The following CUL9 variants were observed in gnomAD, a reference collection of about 807,000 sequenced individuals.
CUL9 encodes the protein cullin 9.
Under a neutral mutation model 272.6 loss-of-function variants are expected in CUL9, and 79 were observed. The observed-to-expected ratio is 0.29, with a 90% CI of 0.24 to 0.35. The LOEUF is 0.35. Ranked by LOEUF, CUL9 falls within the 10% of genes least tolerant of loss-of-function variation. The pLI is 1.00. For synonymous variants in CUL9, 1,186 were observed against 1,286.5 expected (o/e 0.92, Z 1.67); for missense variants, 2,532 against 3,255.6 (o/e 0.78, Z 5.41).
In CUL9 at chr6:43,187,763, C is replaced by G; in HGVS notation, c.1632C>G (p.Ala544=). Residue 544 remains alanine, a synonymous_variant, in exon 7 of 41, where the codon GCC becomes GCG. Transcript: ENST00000252050. Reference sequence around the variant, plus strand: ...AGATCTCTGTGTCCGTGGAAATGGCCGAGAGTCTGCTGCAGGTTCTCAGTA... The same window carrying G: ...AGATCTCTGTGTCCGTGGAAATGGCGGAGAGTCTGCTGCAGGTTCTCAGTA... ...LGEISVSVEM[A]ESLLQVLSSR... 1 of 1,613,446 alleles carries G rather than the reference C, an allele frequency of 6.2e-7. No homozygotes were observed. Among genetic ancestry groups the G allele is most frequent in the East Asian group, 2.2e-5 (1 of 44,870 alleles).
chr6:43,194,739 A>T (rs1773848294), intron 9 of CUL9, among the ~76,000 whole-genome samples: 1 of 152,026 alleles, frequency 6.6e-6, no homozygotes, highest in Admixed American at 6.5e-5. Flanking sequence ...ATTGCCATCC[A>T]CTATAGATCA....
Position 43,187,086 on chromosome 6 carries a change from T to C in CUL9, c.1378T>C (p.Leu460=). 1.2e-6 allele frequency: 2 copies of C among 1,613,970 alleles called. No homozygotes were observed. Among genetic ancestry groups the C allele is most frequent in the Non-Finnish European group, 1.7e-6 (2 of 1,179,898 alleles). The change falls in exon 5 of 41, where the codon TTG becomes CTG. Residue 460 remains leucine (L), a synonymous_variant. Coordinates refer to ENST00000252050, the MANE Select transcript of CUL9 (RefSeq NM_015089.4). ...AVEKGAGATV[L]GTAFPSWDWN... is the part of the protein sequence containing the mutation. ...GGAGAAGGGGGCAGGGGCTACTGTG[T>C]TGGGCACAGGTGAGCCTAAGAGGGG...
Position 43,213,626 on chromosome 6 carries a change from T to TG in CUL9, c.5488+65dup. On this transcript the variant is annotated intron_variant, in intron 28 of 40. Transcript: ENST00000252050. This position sits in a 1 kb window ranked among gnomAD's most constrained non-coding sequence, Gnocchi z 5.7. The stretch of plus-strand genomic sequence containing the variant: ...GCTGGTCGGGGGGTCGCCCTCAAGA[T>TG]GGGGGGACTGTGAGAATGGGGTCAT... The TG allele has an allele frequency of 1.9e-6, 3 of 1,548,850 alleles. No individual in the cohort carries two copies. Among genetic ancestry groups the TG allele is most frequent in the Non-Finnish European group, 1.8e-6 (2 of 1,138,126 alleles).
Position 43,221,870 on chromosome 6 carries a change from C to T in CUL9, c.6846+92C>T, listed in dbSNP as rs1340335596. The T allele has an allele frequency of 8.2e-6, 9 of 1,091,010 alleles. No homozygotes were observed. Among genetic ancestry groups the T allele is most frequent in the South Asian group, 4.1e-5 (3 of 73,010 alleles). The allele number at this position is 1,091,010 out of a possible 1,614,324, so 67.6% of individuals were successfully genotyped here. On this transcript the variant is annotated intron_variant, in intron 35 of 40. Transcript: ENST00000252050. The surrounding 1 kb of genome is among the most constrained non-coding windows in gnomAD (Gnocchi z 4.2). Reference sequence around the variant, plus strand: ...TCCTGGGCAGACAGGGCTCCTTGTGCAGTGCAGCATTCTAGCTGTTGGGAT... The same window carrying T: ...TCCTGGGCAGACAGGGCTCCTTGTGTAGTGCAGCATTCTAGCTGTTGGGAT...
In CUL9 at chr6:43,200,335, T is replaced by C. The variant is rs1774406196; in HGVS notation, c.3385-101T>C. The C allele has an allele frequency of 2.5e-6, 4 of 1,584,876 alleles. No homozygotes were observed. The African/African-American group carries it at 4.0e-5, about 16-fold the overall frequency. ...AAAATGTGGGGAGAGAGGAGTTGAGTATACCGTTGACCCTTGACTTTTTCT... is the reference window on the plus strand; with the variant it reads ...AAAATGTGGGGAGAGAGGAGTTGAGCATACCGTTGACCCTTGACTTTTTCT... On this transcript the variant is annotated intron_variant, in intron 14 of 40. Transcript: ENST00000252050. This position sits in a 1 kb window ranked among gnomAD's most constrained non-coding sequence, Gnocchi z 4.0.
At position 43,185,545 on chromosome 6, in the gene CUL9, C is replaced by T. The variant is rs753030432; in HGVS notation, c.685C>T (p.Leu229=). The change falls in exon 3 of 41, where the codon CTG becomes TTG. Residue 229 remains leucine (L), a synonymous_variant. Coordinates refer to ENST00000252050, the MANE Select transcript of CUL9 (RefSeq NM_015089.4). ...TGACAGTCGCTATACATTGCTGGAG[C>T]TGTTTGCAGAAACCACATCCTCTGA... The part of the protein sequence containing the change: ...DFDSRYTLLE[L]FAETTSSEEH... 8.1e-6 allele frequency: 13 copies of T among 1,613,786 alleles called. No homozygotes were observed. The Admixed American group carries it at 2.2e-4, about 27-fold the overall frequency.
chr6:43,190,808 C>T (rs1435503440), intron 8 of CUL9, among the ~76,000 whole-genome samples: 1 of 152,186 alleles, frequency 6.6e-6, no homozygotes, highest in East Asian at 1.9e-4. Flanking sequence ...TCCCGAGCCA[C>T]CTCCTCAGTT....
rs770037132 is a variant in CUL9, at chr6:43,223,530, G to A, written c.7284+133G>A. On this transcript the variant is annotated intron_variant, in intron 39 of 40. Transcript: ENST00000252050. The surrounding 1 kb of genome is among the most constrained non-coding windows in gnomAD (Gnocchi z 4.1). ...AAGCGGGTGAATGGATGTTAGACCT[G>A]GGCGCACATCCCGGCTTTTGGGCCA... 6.1e-4 allele frequency: 785 copies of A among 1,287,354 alleles called. 1 individual carries two copies. Among genetic ancestry groups the A allele is most frequent in the Non-Finnish European group, 7.8e-4 (738 of 949,794 alleles). 79.7% of individuals were successfully genotyped at this position (1,287,354 alleles called of 1,614,324 possible). A position where few individuals can be genotyped will look rare whatever the true frequency, so the allele number is the denominator to read the frequency against.
intron 26 of CUL9, among the ~76,000 whole-genome samples, chr6:43,212,269 A>C (rs2150613531): frequency 6.6e-6 from 1 of 152,248 alleles, no homozygotes; most frequent in South Asian, 2.1e-4. Context: ...GGATCAATGG[A>C]TTTCAGTGTG....
chr6:43,210,785 CTG>C (rs1369553056), intron 26 of CUL9, among the ~76,000 whole-genome samples: 8 of 151,966 alleles, frequency 5.3e-5, no homozygotes, highest in South Asian at 2.1e-4. Flanking sequence ...AATTAATTGA[CTG>C]TTTCTAACTT....
chr6:43,213,525 G>T lies in CUL9; in HGVS notation c.5446G>T (p.Gly1816Cys). The change falls in exon 28 of 41, where the codon GGC (glycine) becomes TGC (cysteine). Residue 1816 changes from glycine to cysteine, a missense_variant. Gly to Cys is a radical substitution (Grantham distance 159, BLOSUM62 -3). This residue lies in a region of CUL9 where 2,218 missense variants were observed against 2,788.6 expected (regional missense o/e 0.80). Transcript: ENST00000252050. The surrounding 1 kb of genome is among the most constrained non-coding windows in gnomAD (Gnocchi z 5.7). ...QALVPLTSGN[G>C]PLTLHEGQDF... is the part of the protein sequence containing the mutation. ...ACTCGTGCCCCTCACCTCAGGGAAT[G>T]GCCCTTTGACCCTGCATGAGGGCCA... 1 of 1,613,124 alleles carries T rather than the reference G, an allele frequency of 6.2e-7. No individual in the cohort carries two copies. The highest frequency in any genetic ancestry group is 8.5e-7 in the Non-Finnish European group (1 of 1,179,750).
chr6:43,221,858 G>A lies in CUL9; in HGVS notation c.6846+80G>A. ...GCTGCTACCAGGTCCTGGGCAGACA[G>A]GGCTCCTTGTGCAGTGCAGCATTCT... On this transcript the variant is annotated intron_variant, in intron 35 of 40. Transcript: ENST00000252050. This position sits in a 1 kb window ranked among gnomAD's most constrained non-coding sequence, Gnocchi z 4.2. The A allele has an allele frequency of 1.6e-6, 2 of 1,266,994 alleles. No homozygotes were observed. Among genetic ancestry groups the A allele is most frequent in the South Asian group, 1.3e-5 (1 of 79,310 alleles). 78.5% of individuals were successfully genotyped at this position (1,266,994 alleles called of 1,614,324 possible).
At position 43,184,333 on chromosome 6, in the gene CUL9, G is replaced by A; in HGVS notation, c.23G>A (p.Gly8Glu). The change falls in exon 2 of 41, where the codon GGG (glycine) becomes GAG (glutamate). Residue 8 changes from glycine (G) to glutamate (E), a missense_variant. Coordinates refer to ENST00000252050, the MANE Select transcript of CUL9 (RefSeq NM_015089.4). This position sits in a 1 kb window ranked among gnomAD's most constrained non-coding sequence, Gnocchi z 4.8. ...AGGATGGTGGGGGAACGGCATGCTG[G>A]GGACCTCATGGTGCCCTTAGGGCCT... MVGERHA[G>E]DLMVPLGPRL... 6.5e-7 allele frequency: 1 copy of A among 1,544,438 alleles called. No homozygotes were observed. The highest frequency in any genetic ancestry group is 8.8e-7 in the Non-Finnish European group (1 of 1,140,188).
Position 43,206,947 on chromosome 6 carries a change from C to T in CUL9, c.5212+437C>T, listed in dbSNP as rs1259509327. ...GCAGCCTCTACCTCCCGGGTTCAAG[C>T]GATTCTCCTGTCTCAGCCTCCCAAG... On this transcript the variant is annotated intron_variant, in intron 26 of 40. Transcript: ENST00000252050. This position sits in a 1 kb window ranked among gnomAD's most constrained non-coding sequence, Gnocchi z 4.8. Among the ~76,000 whole-genome samples, 2 of 152,074 alleles carry T rather than the reference C, an allele frequency of 1.3e-5. No individual in the cohort carries two copies. Among genetic ancestry groups the T allele is most frequent in the East Asian group, 1.9e-4 (1 of 5,196 alleles).
At chr6:43,182,664 C>T (rs1359223579) in intron 1 of CUL9, among the ~76,000 whole-genome samples, 1 of 152,038 alleles carries the variant, frequency 6.6e-6, no homozygotes, top group Non-Finnish European at 1.5e-5. Context: ...CAGGCTTGCC[C>T]CCCATCCTAA....
In CUL9 at chr6:43,199,795, A is replaced by T. The variant is rs1774356194; in HGVS notation, c.3157-134A>T. 2 of 708,554 alleles carry T rather than the reference A, an allele frequency of 2.8e-6. No individual in the cohort carries two copies. Among genetic ancestry groups the T allele is most frequent in the Admixed American group, 4.7e-5 (2 of 42,808 alleles). The allele number at this position is 708,554 out of a possible 1,614,324, so 43.9% of individuals were successfully genotyped here. On this transcript the variant is annotated intron_variant, in intron 13 of 40. Transcript: ENST00000252050. This position sits in a 1 kb window ranked among gnomAD's most constrained non-coding sequence, Gnocchi z 4.4. ...TATTTTACTCCACCCTGAATTTGGT[A>T]CTCTTGTTTCCCTGGGCGTTGGCAT... is the stretch of plus-strand genomic sequence containing the variant.
intron 26 of CUL9, among the ~76,000 whole-genome samples, chr6:43,207,333 A>G (rs1230056708): frequency 6.6e-6 from 1 of 152,066 alleles, no homozygotes; most frequent in Middle Eastern, 3.2e-3. Flanking sequence ...ATTATTTTTA[A>G]CCTTTATCAC....
rs1774235810 is a variant in CUL9 at position 43,198,709 on chromosome 6, G to T, written c.2904G>T (p.Glu968Asp). 6.2e-7 allele frequency: 1 copy of T among 1,614,080 alleles called. No homozygotes were observed. Among genetic ancestry groups the T allele is most frequent in the African/African-American group, 1.3e-5 (1 of 74,938 alleles). Residue 968 changes from glutamate (E) to aspartate (D), a missense_variant, in exon 12 of 41, where the codon GAG becomes GAT. Physicochemically the swap from Glu to Asp is conservative, Grantham distance 45. Around this residue, in one of 3 missense-constraint regions of CUL9, gnomAD observed 2,218 missense variants for 2,788.6 expected, o/e 0.80. Coordinates refer to ENST00000252050, the MANE Select transcript of CUL9 (RefSeq NM_015089.4). ...CTGCAGAACTACTCCTGGACTTGGA[G>T]CGTGTGCTGTGCCGTGAGGGCAGCC... ...GPSAELLLDLERVLCREGSPG... is the reference protein window; with the variant it reads ...GPSAELLLDLDRVLCREGSPG...
In CUL9 at chr6:43,204,455, G is replaced by A; in HGVS notation, c.4255G>A (p.Ala1419Thr). The A allele has an allele frequency of 5.6e-6, 9 of 1,614,156 alleles. No homozygotes were observed. The highest frequency in any genetic ancestry group is 7.6e-6 in the Non-Finnish European group (9 of 1,180,024). Residue 1419 changes from alanine (A) to threonine (T), a missense_variant, in exon 21 of 41, where the codon GCT becomes ACT. Around this residue, in one of 3 missense-constraint regions of CUL9, gnomAD observed 2,218 missense variants for 2,788.6 expected, o/e 0.80. Coordinates refer to ENST00000252050, the MANE Select transcript of CUL9 (RefSeq NM_015089.4). ...CCCCTTGAGTCGAGCAGCGTCCTTT[G>A]CTTCTCGAGTTCGTCGCCTTTGCCA... ...RNPLSRAASF[A>T]SRVRRLCHLL...
Sources: gnomAD v4.1 joint callset for allele counts (sites outside exome capture counted in the v4.1 genomes callset) on GRCh38, gnomAD v4.1.1 for gene constraint, gnomAD v4.1.1 regional missense constraint, Gnocchi (gnomAD v3.1) non-coding constraint, MANE v1.5 for transcripts, NCBI Gene and HGNC (gene_info 2026-07-23, HGNC 2026-07-21) for gene names.